The following RPSA2 variants were observed in gnomAD, a reference collection of about 807,000 sequenced individuals.
RPSA2 encodes the protein ribosomal protein SA 2, also known as small ribosomal subunit protein uS2B.
chr19:23,835,758 C>A, the RPSA2 span, among the ~76,000 whole-genome samples: 1 of 151,954 alleles, frequency 6.6e-6, no homozygotes, highest in African/African-American at 2.4e-5. Flanking sequence ...CTCAGCCTCC[C>A]AAGTAGCTGG....
chr19:23,767,761 GTTTT>G, the RPSA2 span, among the ~76,000 whole-genome samples: 29 of 73,110 alleles, frequency 4.0e-4, no homozygotes, highest in Non-Finnish European at 5.8e-4. Context: ...TTCAATTTCA[GTTTT>G]TTTTTTTTTT....
chr19:23,800,185 T>G, the RPSA2 span, among the ~76,000 whole-genome samples: 1 of 139,310 alleles, frequency 7.2e-6, no homozygotes, highest in East Asian at 2.2e-4. Flanking sequence ...CATGCCACTA[T>G]GCCCGTCTTT....
the RPSA2 span, among the ~76,000 whole-genome samples, chr19:23,861,622 T>C: frequency 6.6e-6 from 1 of 152,244 alleles, no homozygotes; most frequent in South Asian, 2.1e-4. Context: ...GAACTCCCCC[T>C]TTTTAAGGGC....
chr19:23,774,546 G>A, the RPSA2 span, among the ~76,000 whole-genome samples: 1 of 152,128 alleles, frequency 6.6e-6, no homozygotes, highest in Non-Finnish European at 1.5e-5. Context: ...ATATTACTGG[G>A]CTCAACAAGG....
At chr19:23,828,212 T>C in the RPSA2 span, among the ~76,000 whole-genome samples, 631 of 151,844 alleles carry the variant, frequency 4.2e-3, 1 homozygote, top group African/African-American at 0.014. Flanking sequence ...TGCTGCATTC[T>C]ATTTTATTAG....
chr19:23,787,159 T>C, the RPSA2 span, among the ~76,000 whole-genome samples: 2 of 152,094 alleles, frequency 1.3e-5, no homozygotes, highest in African/African-American at 4.8e-5. Context: ...TGCCTTCAGA[T>C]GACATTGTGA....
the RPSA2 span, among the ~76,000 whole-genome samples, chr19:23,781,514 T>G: frequency 1.3e-5 from 2 of 151,436 alleles, no homozygotes; most frequent in African/African-American, 4.9e-5. Flanking sequence ...ATTTTTTGTA[T>G]TTTTAGTAGA....
the RPSA2 span, among the ~76,000 whole-genome samples, chr19:23,795,857 A>C: frequency 0.98 from 148,963 of 152,296 alleles, 72,945 homozygotes; most frequent in Middle Eastern, 1. Context: ...CTCACTGCAG[A>C]CTCTGCCTTC....
At chr19:23,867,187 ATG>A in the RPSA2 span, among the ~76,000 whole-genome samples, 3 of 152,168 alleles carry the variant, frequency 2.0e-5, no homozygotes, top group African/African-American at 7.2e-5. Context: ...ACAGGAGCTG[ATG>A]TGTCAGTAAT....
At chr19:23,862,906 T>G in the RPSA2 span, among the ~76,000 whole-genome samples, 1 of 151,684 alleles carries the variant, frequency 6.6e-6, no homozygotes, top group Non-Finnish European at 1.5e-5. Flanking sequence ...CTTTTTTTTT[T>G]TTTTGTTTGT....
At chr19:23,780,432 A>T in the RPSA2 span, among the ~76,000 whole-genome samples, 3 of 152,094 alleles carry the variant, frequency 2.0e-5, no homozygotes. Context: ...TCACAAGGTC[A>T]GGAGATCGAG....
At chr19:23,776,844 G>C in the RPSA2 span, among the ~76,000 whole-genome samples, 3 of 152,194 alleles carry the variant, frequency 2.0e-5, no homozygotes, top group Admixed American at 2.0e-4. Context: ...CTGCCCACAG[G>C]GGGCATTGTA....
the RPSA2 span, among the ~76,000 whole-genome samples, chr19:23,812,393 T>TTTTTTTG: frequency 2.9e-4 from 42 of 146,746 alleles, no homozygotes; most frequent in African/African-American, 1.0e-3. Flanking sequence ...TTTCTCTTTT[T>TTTTTTTG]TTTTTTTTGT....
At chr19:23,803,078 A>G in the RPSA2 span, among the ~76,000 whole-genome samples, 4 of 139,106 alleles carry the variant, frequency 2.9e-5, no homozygotes, top group Non-Finnish European at 4.6e-5. Context: ...TAAAAATTAT[A>G]CAAACTCTGA....
the RPSA2 span, among the ~76,000 whole-genome samples, chr19:23,794,163 C>T: frequency 6.6e-6 from 1 of 152,122 alleles, no homozygotes; most frequent in Non-Finnish European, 1.5e-5. Flanking sequence ...AGTGAACACG[C>T]TTGTGCATGC....
At chr19:23,858,754 C>A in the RPSA2 span, among the ~76,000 whole-genome samples, 1 of 152,132 alleles carries the variant, frequency 6.6e-6, no homozygotes, top group South Asian at 2.1e-4. Flanking sequence ...CTTTGTAAAC[C>A]AGATGTAGAG....
the RPSA2 span, among the ~76,000 whole-genome samples, chr19:23,758,588 G>A: frequency 6.6e-6 from 1 of 152,214 alleles, no homozygotes; most frequent in Non-Finnish European, 1.5e-5. Context: ...CGCCCGGGGG[G>A]CTGGCTGTCA....
At chr19:23,776,871 A>G in the RPSA2 span, among the ~76,000 whole-genome samples, 1 of 152,104 alleles carries the variant, frequency 6.6e-6, no homozygotes, top group African/African-American at 2.4e-5. Context: ...CACTTGGCTC[A>G]TCAGATGTTT....
the RPSA2 span, among the ~76,000 whole-genome samples, chr19:23,810,788 CTG>C: frequency 1.3e-5 from 2 of 152,222 alleles, no homozygotes; most frequent in South Asian, 2.1e-4. Context: ...CTCCCCCAGA[CTG>C]TGACTGGGAA....
Sources: allele counts gnomAD v4.1 joint callset (sites outside exome capture counted in the v4.1 genomes callset), GRCh38; gene constraint gnomAD v4.1.1; transcripts MANE v1.5; gene names NCBI Gene and HGNC (gene_info 2026-07-23, HGNC 2026-07-21).